Variants in EYA1 observed in about 807,000 individuals in gnomAD.
EYA1 encodes protein phosphatase EYA1.
Under a neutral mutation model 82.0 loss-of-function variants are expected in EYA1, and 16 were observed. The observed-to-expected ratio is 0.20, with a 90% CI of 0.13 to 0.30. EYA1 has a LOEUF of 0.30. EYA1 is among the 10% of genes least tolerant of loss of function. The probability of loss-of-function intolerance (pLI) is 1.00; values close to 1 mark genes in which losing one functional copy is unlikely to be tolerated. For missense variants in EYA1, 633 were observed against 730.7 expected, an observed-to-expected ratio of 0.87 and a Z score of 1.54; for synonymous variants, 261 against 264.4, an observed-to-expected ratio of 0.99 and a Z score of 0.12.
intron 2 of EYA1, among the ~76,000 whole-genome samples, chr8:71,466,280 A>G (rs1313298806): frequency 1.3e-5 from 2 of 152,194 alleles, no homozygotes; most frequent in Non-Finnish European, 2.9e-5. Flanking sequence ...TGCATATACG[A>G]GTAAGCACAA....
intron 2 of EYA1, among the ~76,000 whole-genome samples, chr8:71,430,147 C>T (rs928979684): frequency 6.6e-6 from 1 of 152,128 alleles, no homozygotes; most frequent in Non-Finnish European, 1.5e-5. Context: ...TCACAGGTTT[C>T]ATCTTCTATG....
At chr8:71,410,875 A>G (rs1171406090) in intron 2 of EYA1, among the ~76,000 whole-genome samples, 8 of 60,142 alleles carry the variant, frequency 1.3e-4, no homozygotes, top group African/African-American at 5.6e-4. Context: ...ATTGGAAAAA[A>G]CTACTTTAAA....
intron 7 of EYA1, among the ~76,000 whole-genome samples, chr8:71,311,024 T>C (rs143260173): frequency 4.9e-4 from 75 of 152,310 alleles, no homozygotes; most frequent in African/African-American, 1.8e-3. Context: ...TTTGTAGGTG[T>C]GTGAAAATTG....
chr8:71,473,050 A>G (rs1369943273), intron 2 of EYA1, among the ~76,000 whole-genome samples: 1 of 151,826 alleles, frequency 6.6e-6, no homozygotes, highest in East Asian at 1.9e-4. Flanking sequence ...ATAATGTCCA[A>G]CTCTAGCATG....
intron 2 of EYA1, among the ~76,000 whole-genome samples, chr8:71,390,502 A>ATCC (rs1190214664): frequency 6.6e-6 from 1 of 152,054 alleles, no homozygotes; most frequent in Non-Finnish European, 1.5e-5. Flanking sequence ...ATCTCAAGCA[A>ATCC]TCCTCCCACC....
chr8:71,330,547 A>G (rs1456667265), intron 4 of EYA1, among the ~76,000 whole-genome samples: 1 of 151,870 alleles, frequency 6.6e-6, no homozygotes, highest in Non-Finnish European at 1.5e-5. Flanking sequence ...TCTTTTCCTC[A>G]TCTTCACTCC....
chr8:71,457,099 AG>A (rs1481476154), intron 2 of EYA1, among the ~76,000 whole-genome samples: 1 of 152,244 alleles, frequency 6.6e-6, no homozygotes, highest in African/African-American at 2.4e-5. Context: ...AAGTGGGCAA[AG>A]GATATGAACA....
At chr8:71,383,086 C>T (rs1303152040) in intron 2 of EYA1, among the ~76,000 whole-genome samples, 1 of 105,744 alleles carries the variant, frequency 9.5e-6, no homozygotes, top group African/African-American at 3.7e-5. Flanking sequence ...TGTTTTCTAA[C>T]AGCACCTATT....
intron 2 of EYA1, among the ~76,000 whole-genome samples, chr8:71,394,328 G>A (rs1829456965): frequency 6.6e-6 from 1 of 152,126 alleles, no homozygotes; most frequent in Non-Finnish European, 1.5e-5. Context: ...CGTTTTTGTT[G>A]CCATTGCTTT....
chr8:71,276,471 T>C (rs1049422317), intron 9 of EYA1, among the ~76,000 whole-genome samples: 6 of 152,172 alleles, frequency 3.9e-5, no homozygotes, highest in African/African-American at 1.4e-4. Context: ...ATTAAACTTG[T>C]ACCAAAAGGA....
At chr8:71,421,105 ATGGGGCTCTCTGAGCCT>A (rs1199178314) in intron 2 of EYA1, among the ~76,000 whole-genome samples, 2 of 152,204 alleles carry the variant, frequency 1.3e-5, no homozygotes, top group African/African-American at 4.8e-5. Context: ...AACCTGAGTC[ATGGGGCTCTCTGAGCCT>A]AGGAAAAACC....
chr8:71,453,371 C>A (rs550999212), intron 2 of EYA1, among the ~76,000 whole-genome samples: 9 of 152,252 alleles, frequency 5.9e-5, no homozygotes, highest in Admixed American at 4.6e-4. Context: ...GGAGAACTTC[C>A]CCAGCCTAGC....
At chr8:71,454,003 AGT>A (rs771525177) in intron 2 of EYA1, among the ~76,000 whole-genome samples, 1 of 152,206 alleles carries the variant, frequency 6.6e-6, no homozygotes, top group Non-Finnish European at 1.5e-5. Flanking sequence ...GAGACCCATC[AGT>A]GTGCTGTATT....
intron 2 of EYA1, among the ~76,000 whole-genome samples, chr8:71,369,196 C>A (rs1827944969): frequency 1.4e-5 from 2 of 143,010 alleles, no homozygotes; most frequent in South Asian, 4.4e-4. Context: ...GAGCGAGACT[C>A]CGTCTCAAAA....
intron 2 of EYA1, among the ~76,000 whole-genome samples, chr8:71,525,247 A>G (rs1392633500): frequency 2.0e-5 from 3 of 152,226 alleles, no homozygotes; most frequent in Non-Finnish European, 2.9e-5. Flanking sequence ...ACGTGGTAAG[A>G]ATGCAAGTTC....
intron 2 of EYA1, among the ~76,000 whole-genome samples, chr8:71,511,441 G>A (rs370785040): frequency 6.6e-5 from 10 of 152,174 alleles, no homozygotes; most frequent in Non-Finnish European, 1.5e-4. Context: ...TTTTGGGGCT[G>A]GGGACAAAAT....
chr8:71,423,929 T>C (rs1227461180), intron 2 of EYA1, among the ~76,000 whole-genome samples: 1 of 152,342 alleles, frequency 6.6e-6, no homozygotes, highest in South Asian at 2.1e-4. Context: ...TAGTAAATTG[T>C]TTTTACTTGT....
At chr8:71,413,979 T>C (rs1158501636) in intron 2 of EYA1, among the ~76,000 whole-genome samples, 2 of 152,172 alleles carry the variant, frequency 1.3e-5, no homozygotes, top group African/African-American at 4.8e-5. Context: ...GGAAGTTTGT[T>C]AGAGAATGCT....
chr8:71,208,290 G>A (rs1406451886), intron 17 of EYA1, among the ~76,000 whole-genome samples: 1 of 152,084 alleles, frequency 6.6e-6, no homozygotes, highest in Non-Finnish European at 1.5e-5. Context: ...AAATTAGCCA[G>A]GCATCGTGGC....
Sources: gnomAD v4.1 joint callset for allele counts (sites outside exome capture counted in the v4.1 genomes callset) on GRCh38, gnomAD v4.1.1 for gene constraint, MANE v1.5 for transcripts, NCBI Gene and HGNC (gene_info 2026-07-23, HGNC 2026-07-21) for gene names.